Variants in CFAP92 observed in about 807,000 individuals in gnomAD.
CFAP92 encodes uncharacterized protein CFAP92.
In CFAP92, 86 loss-of-function variants were observed where a neutral mutation model predicts 106.3. The observed-to-expected ratio is 0.81, with a 90% CI of 0.68 to 0.97. The LOEUF (loss-of-function observed/expected upper bound fraction) is 0.97, where lower values mean the gene tolerates loss of function less well. CFAP92 is among the 50% of genes least tolerant of loss of function. The probability of loss-of-function intolerance (pLI) is 0.00; values close to 1 mark genes in which losing one functional copy is unlikely to be tolerated. For missense variants in CFAP92, 1,204 were observed against 1,283.8 expected, an observed-to-expected ratio of 0.94 and a Z score of 0.95; for synonymous variants, 477 against 506.4, an observed-to-expected ratio of 0.94 and a Z score of 0.78.
chr3:128,936,972 C>T (rs1434900629), intron 10 of CFAP92, among the ~76,000 whole-genome samples: 1 of 152,120 alleles, frequency 6.6e-6, no homozygotes, highest in Non-Finnish European at 1.5e-5. Flanking sequence ...AGAACTCTTT[C>T]TCCATTCTGG....
At chr3:128,931,819 T>C (rs1214952022) in intron 12 of CFAP92, among the ~76,000 whole-genome samples, 1 of 151,914 alleles carries the variant, frequency 6.6e-6, no homozygotes, top group Non-Finnish European at 1.5e-5. Flanking sequence ...GCCTAGGAGC[T>C]GGAGACCAGC....
At chr3:128,936,653 T>A (rs1366836359) in intron 10 of CFAP92, among the ~76,000 whole-genome samples, 2 of 152,120 alleles carry the variant, frequency 1.3e-5, no homozygotes, top group Non-Finnish European at 2.9e-5. Context: ...CAAGACTACT[T>A]TTACTCACTG....
chr3:128,956,939 C>G, intron 9 of CFAP92, among the ~76,000 whole-genome samples: 1 of 135,978 alleles, frequency 7.4e-6, no homozygotes, highest in Non-Finnish European at 1.5e-5. Context: ...AACATCATGC[C>G]ACTACACTCC....
chr3:128,946,356 T>C (rs1940217958), intron 9 of CFAP92, among the ~76,000 whole-genome samples: 1 of 152,108 alleles, frequency 6.6e-6, no homozygotes, highest in African/African-American at 2.4e-5. Context: ...AAATCTCTGT[T>C]TTCCAAATAT....
Position 128,945,484 on chromosome 3 carries a change from G to T in CFAP92, c.1845C>A (p.His615Gln). Reference protein sequence around the residue: ...VVGLGVPRDGHQHGPMPRGNY... With the variant: ...VVGLGVPRDGQQHGPMPRGNY... ...TGCCCCTGGGCATTGGGCCGTGCTG[G>T]TGGCCATCTCTGGGGACCCCAAGCC... Residue 615 changes from histidine (H) to glutamine (Q), a missense_variant, in exon 10 of 16, where the codon CAC becomes CAA. His to Gln is a conservative substitution (Grantham distance 24, BLOSUM62 0). Coordinates refer to ENST00000645291, the MANE Select transcript of CFAP92 (RefSeq NM_001394090.1). 1 of 1,536,146 alleles carries T rather than the reference G, an allele frequency of 6.5e-7. No individual in the cohort carries two copies. Among genetic ancestry groups the T allele is most frequent in the Non-Finnish European group, 8.7e-7 (1 of 1,146,910 alleles).
At chr3:129,017,489 C>A in the CFAP92 span, among the ~76,000 whole-genome samples, 1 of 152,228 alleles carries the variant, frequency 6.6e-6, no homozygotes. Flanking sequence ...CGGGTCTGGA[C>A]CCCCTGGGAA....
the CFAP92 span, among the ~76,000 whole-genome samples, chr3:129,019,697 G>A: frequency 6.6e-6 from 1 of 151,760 alleles, no homozygotes; most frequent in Non-Finnish European, 1.5e-5. Context: ...TAGCTACTGA[G>A]CACTTGATGT....
At chr3:128,953,630 CG>C (rs1559891836) in intron 9 of CFAP92, among the ~76,000 whole-genome samples, 15 of 129,584 alleles carry the variant, frequency 1.2e-4, no homozygotes, top group African/African-American at 4.9e-4. Context: ...CCTCCCTCTC[CG>C]TCTCCCTCTC....
At chr3:129,026,510 C>T in the CFAP92 span, among the ~76,000 whole-genome samples, 1 of 152,184 alleles carries the variant, frequency 6.6e-6, no homozygotes, top group Non-Finnish European at 1.5e-5. Context: ...ACAGCACATC[C>T]ATCATTCTTC....
At chr3:128,942,090 C>T (rs556839157) in intron 10 of CFAP92, among the ~76,000 whole-genome samples, 7 of 152,274 alleles carry the variant, frequency 4.6e-5, no homozygotes, top group South Asian at 4.1e-4. Context: ...TTACTTCTGA[C>T]GCCAACTGCA....
intron 8 of CFAP92, among the ~76,000 whole-genome samples, chr3:128,966,101 G>T (rs901970033): frequency 1.3e-5 from 2 of 152,184 alleles, no homozygotes; most frequent in Non-Finnish European, 2.9e-5. Flanking sequence ...GAAAACCAAC[G>T]TTCTAAACCT....
intron 12 of CFAP92, among the ~76,000 whole-genome samples, chr3:128,926,583 C>A (rs1429743217): frequency 6.6e-6 from 1 of 152,058 alleles, no homozygotes. Context: ...CTTCTTTATA[C>A]CAGACATTCT....
chr3:129,003,288 G>C (rs1458326151), upstream of CFAP92: 1 of 985,188 alleles, frequency 1.0e-6, no homozygotes, highest in Admixed American at 6.1e-5. Context: ...TCTCATGCTT[G>C]GTATTTATTG....
chr3:128,933,135 C>T, intron 11 of CFAP92, 138 bp from the exon 12 acceptor site: 3 of 780,934 alleles, frequency 3.8e-6, no homozygotes, highest in Non-Finnish European at 4.1e-6. Flanking sequence ...GACTAAAGAG[C>T]TCCAATTCCA....
chr3:129,021,305 C>T, the CFAP92 span, among the ~76,000 whole-genome samples: 2 of 152,308 alleles, frequency 1.3e-5, no homozygotes, highest in East Asian at 3.9e-4. Flanking sequence ...AAGGGTTTTC[C>T]AAGAATCCGA....
rs1241149161 is a variant in CFAP92, at chr3:128,916,197, G to A, written c.2826C>T (p.Ala942=). The stretch of plus-strand genomic sequence containing the variant: ...AGTTGTAGACGGCCTTGTTGGCAGG[G>A]GCTGAAATTTTAATCACCTTCGCCA... The part of the protein sequence containing the change: ...KSVAKVIKIS[A]PANKAVYNYS... The change falls in exon 13 of 16, where the codon GCC becomes GCT. Residue 942 remains alanine (A), a synonymous_variant. Transcript: ENST00000645291. 8.1e-7 allele frequency: 1 copy of A among 1,231,920 alleles called. No individual in the cohort carries two copies. Among genetic ancestry groups the A allele is most frequent in the Non-Finnish European group, 1.0e-6 (1 of 987,952 alleles). 76.3% of individuals were successfully genotyped at this position (1,231,920 alleles called of 1,614,324 possible).
chr3:128,936,836 T>A (rs1939072883), intron 10 of CFAP92, among the ~76,000 whole-genome samples: 1 of 152,222 alleles, frequency 6.6e-6, no homozygotes, highest in African/African-American at 2.4e-5. Context: ...CAAATAAAAT[T>A]TTTAAATTTA....
At chr3:128,958,775 C>T (rs765129011) in intron 9 of CFAP92, among the ~76,000 whole-genome samples, 1 of 152,070 alleles carries the variant, frequency 6.6e-6, no homozygotes. Flanking sequence ...GTGGCGTGTG[C>T]CTGCAGTCTC....
At chr3:129,000,363 G>A (rs1944664923) in intron 1 of CFAP92, among the ~76,000 whole-genome samples, 1 of 152,180 alleles carries the variant, frequency 6.6e-6, no homozygotes, top group African/African-American at 2.4e-5. Flanking sequence ...AATGGACAAC[G>A]TGCTGATTCT....
Sources: allele counts gnomAD v4.1 joint callset (sites outside exome capture counted in the v4.1 genomes callset), GRCh38; gene constraint gnomAD v4.1.1; transcripts MANE v1.5; gene names NCBI Gene and HGNC (gene_info 2026-07-23, HGNC 2026-07-21).